BRCA2: variants seen among roughly 807,000 people sequenced by gnomAD.
The protein encoded by BRCA2 is breast cancer type 2 susceptibility protein.
A neutral mutation model predicts 276.7 loss-of-function variants in BRCA2; 203 were observed. That is an observed-to-expected ratio of 0.73 (90% CI 0.65 to 0.82). The LOEUF (loss-of-function observed/expected upper bound fraction) is 0.82, where lower values mean the gene tolerates loss of function less well. BRCA2 is among the 40% of genes least tolerant of loss of function. The pLI is 0.00. For synonymous variants in BRCA2, 1,289 were observed against 1,338.4 expected (o/e 0.96, Z 0.81); for missense variants, 3,920 against 3,915.0 (o/e 1.00, Z -0.03).
intron 18 of BRCA2, among the ~76,000 whole-genome samples, chr13:32,367,993 T>C (rs1319630938): frequency 1.3e-4 from 19 of 145,940 alleles, no homozygotes; most frequent in African/African-American, 4.8e-4. Context: ...TTGTCTTTTC[T>C]TCTAATTCTT....
rs80358477 is a variant in BRCA2, at chr13:32,333,343, C to T, written c.1865C>T (p.Ala622Val). The change falls in exon 10 of 27, where the codon GCA (alanine) becomes GTA (valine). Residue 622 changes from alanine to valine, a missense_variant. Physicochemically the swap from Ala to Val is moderately conservative, Grantham distance 64. Around this residue, in one of 2 missense-constraint regions of BRCA2, gnomAD observed 3,263 missense variants for 3,156.9 expected, o/e 1.03. Coordinates refer to ENST00000380152, the MANE Select transcript of BRCA2 (RefSeq NM_000059.4). ...ATTAACTGTTCAGCCCAGTTTGAAG[C>T]AAATGCTTTTGAAGCACCACTTACA... Reference protein sequence around the residue: ...ELINCSAQFEANAFEAPLTFA... With the variant: ...ELINCSAQFEVNAFEAPLTFA... The T allele has an allele frequency of 2.5e-6, 4 of 1,607,422 alleles. No individual in the cohort carries two copies. Among genetic ancestry groups the T allele is most frequent in the Non-Finnish European group, 3.4e-6 (4 of 1,178,640 alleles).
intron 12 of BRCA2, among the ~76,000 whole-genome samples, chr13:32,346,261 T>C (rs1034921880): frequency 1.3e-5 from 2 of 151,986 alleles, no homozygotes; most frequent in Non-Finnish European, 2.9e-5. Flanking sequence ...ACTCAAAAGA[T>C]ACAGTATATA....
chr13:32,389,200 G>A (rs1180496208), intron 24 of BRCA2, among the ~76,000 whole-genome samples: 1 of 152,136 alleles, frequency 6.6e-6, no homozygotes, highest in Admixed American at 6.5e-5. Context: ...TGGAGGGAAA[G>A]GGATTGGATA....
intron 3 of BRCA2, among the ~76,000 whole-genome samples, chr13:32,319,682 A>G (rs1332256356): frequency 1.3e-5 from 2 of 152,232 alleles, no homozygotes; most frequent in Non-Finnish European, 2.9e-5. Context: ...AGATTATTTT[A>G]CCGATATACT....
intron 1 of BRCA2, among the ~76,000 whole-genome samples, 167 bp from the exon 2 acceptor site, chr13:32,316,255 C>T (rs762513283): frequency 2.8e-4 from 43 of 152,186 alleles, no homozygotes; most frequent in Non-Finnish European, 1.2e-4. Flanking sequence ...CCGGTTTGGA[C>T]AGCACAGCTG....
chr13:32,331,446 C>G (rs978247126), intron 9 of BRCA2, among the ~76,000 whole-genome samples: 2 of 152,080 alleles, frequency 1.3e-5, no homozygotes, highest in Non-Finnish European at 2.9e-5. Flanking sequence ...GCCTGTGATC[C>G]CAGCTACTCA....
chr13:32,318,703 G>A (rs1440900249), intron 2 of BRCA2, among the ~76,000 whole-genome samples: 2 of 152,174 alleles, frequency 1.3e-5, no homozygotes, highest in African/African-American at 4.8e-5. Flanking sequence ...CTCCCAAAGT[G>A]TTGGGATTAC....
chr13:32,386,865 G>A (rs1269147619), intron 24 of BRCA2, among the ~76,000 whole-genome samples: 1 of 152,184 alleles, frequency 6.6e-6, no homozygotes, highest in Non-Finnish European at 1.5e-5. Flanking sequence ...ACCATAGACT[G>A]GGGGCTTAAA....
intron 7 of BRCA2, among the ~76,000 whole-genome samples, chr13:32,328,886 G>T (rs1425174031): frequency 3.3e-5 from 5 of 152,048 alleles, no homozygotes; most frequent in African/African-American, 9.7e-5. Context: ...GTGTGTGTGT[G>T]TGTGTGTATT....
In BRCA2 at chr13:32,338,207, T is replaced by A. The variant is rs777895333; in HGVS notation, c.3852T>A (p.Ser1284Arg). The A allele has an allele frequency of 1.9e-6, 3 of 1,546,200 alleles. No individual in the cohort carries two copies. In the African/African-American group the frequency reaches 4.2e-5, roughly 21 times the overall value. The change falls in exon 11 of 27, where the codon AGT becomes AGA. Residue 1284 changes from serine (S) to arginine (R), a missense_variant. Transcript: ENST00000380152. ...AAAATCATAATGATAAAACTGTAAG[T>A]GAAAAAAATAATAAATGCCAACTGA... ...KIENHNDKTV[S>R]EKNNKCQLIL...
intron 13 of BRCA2, 49 bp from the exon 14 acceptor site, chr13:32,354,812 T>C (rs2072675274): frequency 7.9e-7 from 1 of 1,266,540 alleles, no homozygotes; most frequent in African/African-American, 1.5e-5. Flanking sequence ...TTCCTAAATA[T>C]TTATATGTGT....
Position 32,365,109 on chromosome 13 carries a change from C to CTTTT in BRCA2, c.8331+1601_8331+1604dup, listed in dbSNP as rs57551462. Among the ~76,000 whole-genome samples, 37 of 64,482 alleles carry CTTTT rather than the reference C, an allele frequency of 5.7e-4. 3 individuals are homozygous for CTTTT. Among genetic ancestry groups the CTTTT allele is most frequent in the South Asian group, 1.6e-3 (2 of 1,260 alleles). 42.3% of individuals were successfully genotyped at this position (64,482 alleles called of 152,430 possible). A position where few individuals can be genotyped will look rare whatever the true frequency, so the allele number is the denominator to read the frequency against. ...TAGCTCCTGCTAATTGCAGTGCATT[C>CTTTT]TTTTTTTTTTTTTTTTTTTTTTTTT... On this transcript the variant is annotated intron_variant, in intron 18 of 26. Coordinates refer to ENST00000380152, the MANE Select transcript of BRCA2 (RefSeq NM_000059.4).
At chr13:32,334,841 ACT>A (rs890999750) in intron 10 of BRCA2, among the ~76,000 whole-genome samples, 1 of 152,128 alleles carries the variant, frequency 6.6e-6, no homozygotes, top group Non-Finnish European at 1.5e-5. Flanking sequence ...CCGTGGTGTA[ACT>A]CTGTCCTCTT....
At chr13:32,367,768 C>T (rs920765895) in intron 18 of BRCA2, among the ~76,000 whole-genome samples, 1 of 152,048 alleles carries the variant, frequency 6.6e-6, no homozygotes, top group Non-Finnish European at 1.5e-5. Context: ...GCACTTCAGC[C>T]TGGGTGACAG....
In BRCA2 at chr13:32,374,798, T is replaced by C. The variant is rs753506713; in HGVS notation, c.8633-1872T>C. 1.7e-3 allele frequency among the ~76,000 whole-genome samples: 265 copies of C among 152,348 alleles called. 2 individuals are homozygous for C. Among genetic ancestry groups the C allele is most frequent in the Non-Finnish European group, 5.0e-4 (34 of 68,028 alleles). On this transcript the variant is annotated intron_variant, in intron 20 of 26. Transcript: ENST00000380152. ...GAGCCCTCCAAACTCTTCCAATCTC[T>C]GCCTGTTGTCTAGTTCCAAAGTCAC...
At chr13:32,370,618 G>A in intron 19 of BRCA2, 61 bp downstream of exon 19, 1 of 1,552,890 alleles carries the variant, frequency 6.4e-7, no homozygotes, top group Non-Finnish European at 8.8e-7. Context: ...TAATTTGTTT[G>A]TTTGTTTGAG....
rs80358814 is a variant in BRCA2 at position 32,340,212 on chromosome 13, G to T, written c.5857G>T (p.Glu1953Ter). 4 of 1,613,850 alleles carry T rather than the reference G, an allele frequency of 2.5e-6. No homozygotes were observed. The highest frequency in any genetic ancestry group is 3.4e-6 in the Non-Finnish European group (4 of 1,179,824). Reference sequence around the variant, plus strand: ...AATATCACCTTGTGATGTTAGTTTGGAAACTTCAGATATATGTAAATGTAG... The same window carrying T: ...AATATCACCTTGTGATGTTAGTTTGTAAACTTCAGATATATGTAAATGTAG... The part of the protein sequence containing the change: ...SKISPCDVSL[E>*]TSDICKCSIG... Residue 1953 changes from glutamate to a stop codon, truncating the protein, a stop_gained, in exon 11 of 27, where the codon GAA (glutamate) becomes TAA (stop). Coordinates refer to ENST00000380152, the MANE Select transcript of BRCA2 (RefSeq NM_000059.4). LOFTEE classifies it high-confidence loss of function.
chr13:32,389,255 T>C (rs1238346016), intron 24 of BRCA2, among the ~76,000 whole-genome samples: 4 of 152,184 alleles, frequency 2.6e-5, no homozygotes, highest in African/African-American at 9.6e-5. Context: ...TAAATACTAT[T>C]TTCTTGGATA....
At chr13:32,343,360 C>T (rs570076416) in intron 11 of BRCA2, among the ~76,000 whole-genome samples, 1 of 152,198 alleles carries the variant, frequency 6.6e-6, no homozygotes, top group East Asian at 1.9e-4. Flanking sequence ...CCTATAAACT[C>T]ATAAAAATAT....
Sources: allele counts gnomAD v4.1 joint callset (sites outside exome capture counted in the v4.1 genomes callset), GRCh38; gene constraint gnomAD v4.1.1; regional missense constraint gnomAD v4.1.1; transcripts MANE v1.5; gene names NCBI Gene and HGNC (gene_info 2026-07-23, HGNC 2026-07-21).